Variants in THOC2 observed in about 807,000 individuals in gnomAD.
THOC2 encodes the protein THO complex subunit 2.
A neutral mutation model predicts 128.4 loss-of-function variants in THOC2; 10 were observed. The ratio of observed to expected loss-of-function variants is 0.08; its 90% CI spans 0.05 to 0.13. The LOEUF (loss-of-function observed/expected upper bound fraction) is 0.13, where lower values mean the gene tolerates loss of function less well. Among genes scored for constraint, THOC2 ranks in the 10% least tolerant of loss-of-function variants. The pLI is 1.00. For synonymous variants in THOC2, 393 were observed against 396.9 expected, an observed-to-expected ratio of 0.99 and a Z score of 0.12; for missense variants, 535 against 1,155.7, an observed-to-expected ratio of 0.46 and a Z score of 7.79.
chrX:123,622,351 T>C (rs980076009), intron 30 of THOC2, among the ~76,000 whole-genome samples: 6 of 112,310 alleles, frequency 5.3e-5, no homozygotes, highest in Non-Finnish European at 1.1e-4. Flanking sequence ...TCCTAAAATA[T>C]TTGTTTAACT....
At chrX:123,606,043 A>G (rs954687902) in intron 38 of THOC2, among the ~76,000 whole-genome samples, 1 of 111,370 alleles carries the variant, frequency 9.0e-6, no homozygotes, top group African/African-American at 3.3e-5. Flanking sequence ...ATGTTACCAG[A>G]TGTTCCAATC....
chrX:123,635,663 C>A (rs1176981826), intron 19 of THOC2, among the ~76,000 whole-genome samples: 1 of 111,658 alleles, frequency 9.0e-6, no homozygotes, highest in African/African-American at 3.3e-5. Context: ...AAAAATTATG[C>A]TTTAAAGGTA....
chrX:123,677,582 T>C (rs900327056), intron 8 of THOC2, among the ~76,000 whole-genome samples: 1 of 111,860 alleles, frequency 8.9e-6, no homozygotes, highest in African/African-American at 3.2e-5. Context: ...CTTTTAAGAT[T>C]TGCTGGACAG....
In THOC2 at chrX:123,633,992, T is replaced by C. The variant is rs2047580738; in HGVS notation, c.2097A>G (p.Gln699=). The C allele has an allele frequency of 8.3e-7, 1 of 1,204,224 alleles. No individual in the cohort carries two copies. The highest frequency in any genetic ancestry group is 1.8e-5 in the African/African-American group (1 of 57,078). ...IEITEEMTME[Q]LEAMTGGEQL... is the part of the protein sequence containing the mutation. ...GCTCTCCACCAGTCATAGCCTCTAG[T>C]TGCTCCATTGTCATTTCCTCTGTAA... is the stretch of plus-strand genomic sequence containing the variant. The change falls in exon 20 of 39, where the codon CAA becomes CAG. Residue 699 remains glutamine, a synonymous_variant. Transcript: ENST00000245838.
Position 123,706,841 on chromosome X carries a change from A to T in THOC2, c.222+17T>A, listed in dbSNP as rs757836120. 21 of 914,094 alleles carry T rather than the reference A, an allele frequency of 2.3e-5. No homozygotes were observed. The African/African-American group carries it at 3.5e-4, about 15-fold the overall frequency. The allele number at this position is 914,094 out of a possible 1,213,427, so 75.3% of individuals were successfully genotyped here. ...TATATAACAACTATTAACTTAAAAA[A>T]ATATATACATACTTACACTAATGTC... On this transcript the variant is annotated intron_variant, in intron 3 of 38. Transcript: ENST00000245838.
chrX:123,602,135 T>C (rs1446656679), intron 38 of THOC2: 1 of 112,678 alleles, frequency 8.9e-6, no homozygotes, highest in Non-Finnish European at 1.9e-5. Context: ...AAATACTACA[T>C]TCACATATTT....
chrX:123,664,835 G>A (rs2048987452), intron 12 of THOC2, among the ~76,000 whole-genome samples: 1 of 111,287 alleles, frequency 9.0e-6, no homozygotes, highest in Non-Finnish European at 1.9e-5. Context: ...TTTTCCGTAT[G>A]TATGTTTTAT....
chrX:123,706,933 G>C lies in THOC2; in HGVS notation c.147C>G (p.Leu49=), dbSNP rs753435811. 17 of 1,135,501 alleles carry C rather than the reference G, an allele frequency of 1.5e-5. No individual in the cohort carries two copies. In the Admixed American group the frequency reaches 3.8e-4, roughly 25 times the overall value. 93.6% of individuals were successfully genotyped at this position (1,135,501 alleles called of 1,213,427 possible). A position where few individuals can be genotyped will look rare whatever the true frequency, so the allele number is the denominator to read the frequency against. Residue 49 remains leucine (L), a synonymous_variant, in exon 3 of 39, where the codon CTC becomes CTG. Coordinates refer to ENST00000245838, the MANE Select transcript of THOC2 (RefSeq NM_001081550.2). The part of the protein sequence containing the change: ...SSTYRDFQQA[L]YELSYHVIKG... Reference sequence around the variant, plus strand: ...TAATTACATGATATGACAACTCATAGAGAGCTTGCTGGAAATCTGTTGAAC... The same window carrying C: ...TAATTACATGATATGACAACTCATACAGAGCTTGCTGGAAATCTGTTGAAC...
In THOC2 at chrX:123,609,531, C is replaced by G. The variant is rs1401535653; in HGVS notation, c.*18+1387G>C. ...ATACAGAACTGGCTCTCAGACATTT[C>G]TCACTTGTAATTTAAACACTGGTAA... On this transcript the variant is annotated intron_variant, in intron 38 of 38. Coordinates refer to ENST00000245838, the MANE Select transcript of THOC2 (RefSeq NM_001081550.2). Among the ~76,000 whole-genome samples the G allele has an allele frequency of 2.7e-5, 3 of 111,775 alleles. No individual in the cohort carries two copies. The East Asian group carries it at 8.4e-4, about 31-fold the overall frequency.
At chrX:123,625,542 T>C (rs1174285709) in intron 25 of THOC2, among the ~76,000 whole-genome samples, 1 of 104,118 alleles carries the variant, frequency 9.6e-6, no homozygotes, top group Non-Finnish European at 2.0e-5. Context: ...TTTTGAGAAG[T>C]GAAGGTTAAG....
intron 8 of THOC2, among the ~76,000 whole-genome samples, chrX:123,673,527 A>G (rs1015490968): frequency 2.7e-5 from 3 of 110,997 alleles, no homozygotes; most frequent in African/African-American, 9.8e-5. Flanking sequence ...TACTCCCTTC[A>G]TTCTTGTTTA....
At chrX:123,679,372 G>A (rs2049653565) in intron 8 of THOC2, among the ~76,000 whole-genome samples, 1 of 111,132 alleles carries the variant, frequency 9.0e-6, no homozygotes, top group Non-Finnish European at 1.9e-5. Context: ...CTTCCAAAAT[G>A]CCACATTCTC....
chrX:123,619,610 T>A, intron 32 of THOC2, 174 bp from the exon 33 acceptor site: 2 of 454,416 alleles, frequency 4.4e-6, no homozygotes, highest in Non-Finnish European at 7.5e-6. Flanking sequence ...TGTAATGGAA[T>A]TGGAATGTTA....
chrX:123,693,111 T>C (rs1193806504), intron 7 of THOC2, among the ~76,000 whole-genome samples: 1 of 112,232 alleles, frequency 8.9e-6, no homozygotes, highest in Non-Finnish European at 1.9e-5. Context: ...CTAACAACAC[T>C]GAAAGAATAC....
chrX:123,643,789 T>C (rs941826172), intron 15 of THOC2, among the ~76,000 whole-genome samples: 5 of 107,644 alleles, frequency 4.6e-5, no homozygotes, highest in Non-Finnish European at 7.7e-5. Context: ...GTTTTCCCAA[T>C]AGGCTGTGAC....
intron 3 of THOC2, among the ~76,000 whole-genome samples, chrX:123,703,725 CAAAAAAAAAAAA>C (rs761049104): frequency 2.0e-4 from 6 of 29,783 alleles, no homozygotes; most frequent in East Asian, 1.2e-3. Context: ...CCATCTCTAC[CAAAAAAAAAAAA>C]AAAAAAAAAA....
intron 7 of THOC2, 29 bp from the exon 8 acceptor site, chrX:123,686,743 A>T: frequency 9.4e-7 from 1 of 1,067,347 alleles, no homozygotes; most frequent in Non-Finnish European, 1.3e-6. Context: ...ACAAAAATTT[A>T]AAAATGATTA....
intron 12 of THOC2, among the ~76,000 whole-genome samples, chrX:123,652,303 T>C (rs1411874561): frequency 8.9e-6 from 1 of 111,811 alleles, no homozygotes. Flanking sequence ...GAACTATTTA[T>C]GACAAACCCA....
At chrX:123,649,014 TGACTGAGA>T (rs1356595055) in intron 12 of THOC2, among the ~76,000 whole-genome samples, 1 of 112,313 alleles carries the variant, frequency 8.9e-6, no homozygotes, top group Admixed American at 9.4e-5. Context: ...CTGTGCCTCC[TGACTGAGA>T]GACACTTCCC....
Sources: gnomAD v4.1 joint callset for allele counts (sites outside exome capture counted in the v4.1 genomes callset) on GRCh38, gnomAD v4.1.1 for gene constraint, MANE v1.5 for transcripts, NCBI Gene and HGNC (gene_info 2026-07-23, HGNC 2026-07-21) for gene names.